Variants in METTL8 observed in about 807,000 individuals in gnomAD.
METTL8 encodes methyltransferase 8, tRNA N3-cytidine.
METTL8 carries 32 observed loss-of-function variants against 48.7 expected under a neutral mutation model. The ratio of observed to expected loss-of-function variants is 0.66; its 90% confidence interval spans 0.50 to 0.88. The LOEUF (loss-of-function observed/expected upper bound fraction) is 0.88, where lower values mean the gene tolerates loss of function less well. Among genes scored for constraint, METTL8 ranks in the 40% least tolerant of loss-of-function variants. METTL8 has a pLI of 0.00. For missense variants in METTL8, 464 were observed against 474.4 expected, an observed-to-expected ratio of 0.98 and a Z score of 0.20; for synonymous variants, 136 against 157.1, an observed-to-expected ratio of 0.87 and a Z score of 1.01.
At chr2:171,410,424 T>C (rs1230181281) in intron 1 of METTL8, among the ~76,000 whole-genome samples, 1 of 152,208 alleles carries the variant, frequency 6.6e-6, no homozygotes, top group Non-Finnish European at 1.5e-5. Flanking sequence ...TCTGATTAAA[T>C]ATGATTCTTT....
chr2:171,341,566 T>C (rs952212875), intron 3 of METTL8, among the ~76,000 whole-genome samples: 6 of 151,378 alleles, frequency 4.0e-5, no homozygotes, highest in East Asian at 2.0e-4. Flanking sequence ...TTTTTTTTTT[T>C]CCGTGTTCTT....
rs376045034 is a variant in METTL8, at chr2:171,390,599, TC to T, written c.143+1443del. On this transcript the variant is annotated intron_variant, in intron 2 of 9. Coordinates refer to ENST00000375258, the MANE Select transcript of METTL8 (RefSeq NM_001321154.2). The stretch of plus-strand genomic sequence containing the variant: ...AATGGATGATAAGGGGTTCAAGACT[TC>T]AGTGGAAAAAGTAACGGCAGATATG... Among the ~76,000 whole-genome samples, 194 of 152,288 alleles carry T rather than the reference TC, an allele frequency of 1.3e-3. No individual in the cohort carries two copies. In the South Asian group the frequency reaches 0.013, roughly 10 times the overall value.
At chr2:171,401,738 T>C (rs945369522) in intron 1 of METTL8, among the ~76,000 whole-genome samples, 2 of 152,192 alleles carry the variant, frequency 1.3e-5, no homozygotes, top group African/African-American at 4.8e-5. Context: ...TTTTAACTTA[T>C]TTACCTGGCA....
At position 171,316,942 on chromosome 2, in the gene METTL8, C is replaced by G. The variant is rs527980439; in HGVS notation, c.*7230G>C. The stretch of plus-strand genomic sequence containing the variant: ...CAACTAAAGATGTAAGGAGAGCGAT[C>G]GCATTCTTTACGCCAAGCATTCTGT... On this transcript the variant is annotated 3_prime_UTR_variant, in exon 10 of 10. Transcript: ENST00000375258. 3.3e-5 allele frequency among the ~76,000 whole-genome samples: 5 copies of G among 152,134 alleles called. No homozygotes were observed. Among genetic ancestry groups the G allele is most frequent in the Non-Finnish European group, 5.9e-5 (4 of 68,034 alleles).
chr2:171,427,827 T>C (rs1231183172), intron 1 of METTL8, among the ~76,000 whole-genome samples: 1 of 152,228 alleles, frequency 6.6e-6, no homozygotes, highest in Non-Finnish European at 1.5e-5. Context: ...ACCCTGTCTA[T>C]CCTGTTTACT....
intron 7 of METTL8, chr2:171,327,200 T>C (rs1254038558): frequency 6.6e-6 from 1 of 152,254 alleles, no homozygotes; most frequent in African/African-American, 2.4e-5. Context: ...CTGTTTATTC[T>C]ACTTATTTGG....
At chr2:171,399,421 A>C (rs1689428522) in intron 1 of METTL8, among the ~76,000 whole-genome samples, 1 of 152,190 alleles carries the variant, frequency 6.6e-6, no homozygotes, top group South Asian at 2.1e-4. Context: ...AATGTATAAA[A>C]GGACTTGGGT....
At chr2:171,384,436 G>C (rs901983477) in intron 2 of METTL8, among the ~76,000 whole-genome samples, 1 of 152,218 alleles carries the variant, frequency 6.6e-6, no homozygotes, top group South Asian at 2.1e-4. Flanking sequence ...CTTGAGCCCA[G>C]GTGGTCGAGG....
chr2:171,404,017 G>A (rs1442303929), intron 1 of METTL8, among the ~76,000 whole-genome samples: 2 of 125,772 alleles, frequency 1.6e-5, no homozygotes, highest in Non-Finnish European at 3.2e-5. Flanking sequence ...CTGAAACTGT[G>A]AATAGTAACA....
chr2:171,392,153 A>C lies in METTL8; in HGVS notation c.33T>G (p.Cys11Trp). The C allele has an allele frequency of 6.4e-7, 1 of 1,551,620 alleles. No individual in the cohort carries two copies. The highest frequency in any genetic ancestry group is 8.7e-7 in the Non-Finnish European group (1 of 1,146,946). MNMIWRNSIS[C>W]LRLGKVPHRY... ...TGTGTGGCACCTTTCCTAGCCTTAG[A>C]CAAGAAATGGAATTTCTCCAAATCA... The change falls in exon 2 of 10, where the codon TGT becomes TGG. Residue 11 changes from cysteine (C) to tryptophan (W), a missense_variant. Physicochemically the swap from Cys to Trp is radical, Grantham distance 215 (BLOSUM62 -2). Coordinates refer to ENST00000375258, the MANE Select transcript of METTL8 (RefSeq NM_001321154.2).
intron 2 of METTL8, among the ~76,000 whole-genome samples, chr2:171,385,912 T>C (rs1200786623): frequency 3.3e-5 from 5 of 152,228 alleles, no homozygotes; most frequent in Non-Finnish European, 7.3e-5. Context: ...TAAAAACCAC[T>C]GGACTGGATC....
In METTL8 at chr2:171,330,709, A is replaced by G. The variant is rs189763049; in HGVS notation, c.721-11T>C. On this transcript the variant is annotated splice_polypyrimidine_tract_variant and intron_variant, in intron 6 of 9. Transcript: ENST00000375258. The stretch of plus-strand genomic sequence containing the variant: ...GTAGGACGAGTGTGACTGTCATGAT[A>G]AAGGAACAGAAAGCAAAAAGAGGAC... 1,111 of 1,593,572 alleles carry G rather than the reference A, an allele frequency of 7.0e-4. 11 individuals are homozygous for G. Among genetic ancestry groups the G allele is most frequent in the Non-Finnish European group, 3.6e-5 (42 of 1,173,534 alleles).
intron 6 of METTL8, among the ~76,000 whole-genome samples, chr2:171,331,430 T>G (rs1685520933): frequency 6.8e-6 from 1 of 146,800 alleles, no homozygotes; most frequent in Admixed American, 6.8e-5. Flanking sequence ...TCATCTTTTT[T>G]TTTTTTTGAG....
intron 3 of METTL8, among the ~76,000 whole-genome samples, chr2:171,352,494 G>C (rs1684048746): frequency 6.6e-6 from 1 of 152,130 alleles, no homozygotes; most frequent in South Asian, 2.1e-4. Flanking sequence ...AAATGAGTTA[G>C]GGAGGATTCC....
chr2:171,409,292 A>G (rs1216827358), intron 1 of METTL8, among the ~76,000 whole-genome samples: 4 of 152,246 alleles, frequency 2.6e-5, no homozygotes, highest in Admixed American at 2.6e-4. Context: ...ATTATAAACT[A>G]CATAGTGCCT....
chr2:171,372,332 T>C (rs1445247050), intron 2 of METTL8, among the ~76,000 whole-genome samples: 4 of 152,078 alleles, frequency 2.6e-5, no homozygotes, highest in African/African-American at 4.8e-5. Context: ...ATATAAAATA[T>C]AGTTACATCT....
intron 2 of METTL8, among the ~76,000 whole-genome samples, chr2:171,377,770 A>G (rs142372732): frequency 6.6e-6 from 1 of 152,362 alleles, no homozygotes; most frequent in East Asian, 1.9e-4. Flanking sequence ...ACACTTTTAC[A>G]CTGCTGGTGG....
chr2:171,417,311 T>C (rs1282452606), intron 1 of METTL8, among the ~76,000 whole-genome samples: 1 of 152,228 alleles, frequency 6.6e-6, no homozygotes, highest in Non-Finnish European at 1.5e-5. Context: ...ACTGTTCTGT[T>C]GGAGTGCCAA....
intron 2 of METTL8, among the ~76,000 whole-genome samples, chr2:171,370,792 A>AAAATAAAT (rs770329285): frequency 6.6e-6 from 1 of 152,110 alleles, no homozygotes; most frequent in African/African-American, 2.4e-5. Flanking sequence ...CTCCGTCTCA[A>AAAATAAAT]AAATAAATAA....
Sources: gnomAD v4.1 joint callset for allele counts (sites outside exome capture counted in the v4.1 genomes callset) on GRCh38, gnomAD v4.1.1 for gene constraint, MANE v1.5 for transcripts, NCBI Gene and HGNC (gene_info 2026-07-23, HGNC 2026-07-21) for gene names.